The following PGAP1 variants were observed in gnomAD, a reference collection of about 807,000 sequenced individuals.
The protein encoded by PGAP1 is post-GPI attachment to proteins inositol deacylase 1.
In PGAP1, 76 loss-of-function variants were observed where a neutral mutation model predicts 127.0. That is an observed-to-expected ratio of 0.60 (90% CI 0.50 to 0.72). The LOEUF (loss-of-function observed/expected upper bound fraction) is 0.72. Ranked by LOEUF, PGAP1 falls within the 30% of genes least tolerant of loss-of-function variation. The pLI is 0.00. For missense variants in PGAP1, 982 were observed against 1,071.3 expected (o/e 0.92, Z 1.16); for synonymous variants, 362 against 366.5 (o/e 0.99, Z 0.14).
In PGAP1 at chr2:196,899,282, T is replaced by C. The variant is rs572329186; in HGVS notation, c.808-913A>G. Among the ~76,000 whole-genome samples, 6 of 152,286 alleles carry C rather than the reference T, an allele frequency of 3.9e-5. No homozygotes were observed. The South Asian group carries it at 8.3e-4, about 21-fold the overall frequency. On this transcript the variant is annotated intron_variant, in intron 5 of 26. Transcript: ENST00000354764. ...AGGCCTAAAATGTCTCTTTAATAAA[T>C]GAACTGAAAAAATAAATATGTATAA...
chr2:196,889,987 G>A (rs1409185525), intron 10 of PGAP1, among the ~76,000 whole-genome samples: 1 of 151,534 alleles, frequency 6.6e-6, no homozygotes, highest in Non-Finnish European at 1.5e-5. Flanking sequence ...AGGCTGGAGC[G>A]CTAGTGGCGT....
chr2:196,864,390 C>CAAAAAAAA (rs752788293), intron 20 of PGAP1, among the ~76,000 whole-genome samples: 2 of 32,388 alleles, frequency 6.2e-5, no homozygotes, highest in African/African-American at 1.2e-4. Flanking sequence ...AACTACGTCT[C>CAAAAAAAA]AAAAAAAAAA....
chr2:196,916,677 C>T, intron 2 of PGAP1, 84 bp from the exon 3 acceptor site: 2 of 1,303,596 alleles, frequency 1.5e-6, no homozygotes, highest in Non-Finnish European at 1.0e-6. Context: ...TAGTAAATAA[C>T]CTTATCCTGC....
intron 9 of PGAP1, among the ~76,000 whole-genome samples, 200 bp from the exon 10 acceptor site, chr2:196,891,111 TTGTCCTGG>T (rs1702086723): frequency 6.6e-6 from 1 of 152,174 alleles, no homozygotes; most frequent in Non-Finnish European, 1.5e-5. Flanking sequence ...AGTCCCCAGT[TTGTCCTGG>T]AAGTATCAGT....
At chr2:196,925,269 A>C (rs907088120) in intron 1 of PGAP1, among the ~76,000 whole-genome samples, 20 of 152,226 alleles carry the variant, frequency 1.3e-4, no homozygotes, top group Non-Finnish European at 1.0e-4. Flanking sequence ...AAGTAGTCTT[A>C]AGATCAAAAT....
intron 1 of PGAP1, 33 bp from the exon 2 acceptor site, chr2:196,920,183 C>A: frequency 6.3e-7 from 1 of 1,575,686 alleles, no homozygotes; most frequent in South Asian, 1.2e-5. Context: ...TCACTTTAAT[C>A]AGTTTTATTA....
Position 196,873,778 on chromosome 2 carries a change from G to A in PGAP1, c.1427-20C>T. 1 of 1,510,030 alleles carries A rather than the reference G, an allele frequency of 6.6e-7. No homozygotes were observed. The highest frequency in any genetic ancestry group is 9.2e-7 in the Non-Finnish European group (1 of 1,087,000). The allele number at this position is 1,510,030 out of a possible 1,614,324, so 93.5% of individuals were successfully genotyped here. On this transcript the variant is annotated intron_variant, in intron 14 of 26. Transcript: ENST00000354764. ...ACAATCCTGTTGAATTCAAAGTACTGTATTACTTAGAATATCAAGGAAGTT... is the reference window on the plus strand; with the variant it reads ...ACAATCCTGTTGAATTCAAAGTACTATATTACTTAGAATATCAAGGAAGTT...
At chr2:196,889,587 T>G (rs1702029787) in intron 10 of PGAP1, among the ~76,000 whole-genome samples, 1 of 150,458 alleles carries the variant, frequency 6.6e-6, no homozygotes, top group Admixed American at 6.6e-5. Flanking sequence ...CCGGGCGCGG[T>G]GGCTCACGCC....
Position 196,885,815 on chromosome 2 carries a change from A to C in PGAP1, c.1220+19T>G. ...ATTGTTTATGTTGAGATAAATGAACATGCATTCAAAAGACTTACCACATAG... is the reference window on the plus strand; with the variant it reads ...ATTGTTTATGTTGAGATAAATGAACCTGCATTCAAAAGACTTACCACATAG... On this transcript the variant is annotated intron_variant, in intron 11 of 26. Coordinates refer to ENST00000354764, the MANE Select transcript of PGAP1 (RefSeq NM_024989.4). The C allele has an allele frequency of 7.2e-7, 1 of 1,389,710 alleles. No homozygotes were observed. Among genetic ancestry groups the C allele is most frequent in the Non-Finnish European group, 9.4e-7 (1 of 1,062,434 alleles). 86.1% of individuals were successfully genotyped at this position (1,389,710 alleles called of 1,614,324 possible). A position where few individuals can be genotyped will look rare whatever the true frequency, so the allele number is the denominator to read the frequency against.
rs765708395 is a variant in PGAP1, at chr2:196,893,241, G to A, written c.932C>T (p.Thr311Ile). 4 of 1,522,704 alleles carry A rather than the reference G, an allele frequency of 2.6e-6. No individual in the cohort carries two copies. Among genetic ancestry groups the A allele is most frequent in the South Asian group, 1.1e-5 (1 of 87,708 alleles). The allele number at this position is 1,522,704 out of a possible 1,614,324, so 94.3% of individuals were successfully genotyped here. Residue 311 changes from threonine to isoleucine, a missense_variant, in exon 8 of 27, where the codon ACT (threonine) becomes ATT (isoleucine). Transcript: ENST00000354764. ...TGACAGTTTCTTCTTGGAATTTTGA[G>A]TTATCTAGAAAGAACATTGATACAT... ...DLIDADTKQI[T>I]QNSKKKLSVL...
chr2:196,884,849 C>A (rs936637737), intron 12 of PGAP1, among the ~76,000 whole-genome samples: 5 of 152,084 alleles, frequency 3.3e-5, no homozygotes, highest in Admixed American at 2.0e-4. Context: ...TTTGCTTTTT[C>A]AACAATAGAT....
At chr2:196,922,100 T>G in intron 1 of PGAP1, 1 of 1,234,472 alleles carries the variant, frequency 8.1e-7, no homozygotes, top group Non-Finnish European at 1.0e-6. Flanking sequence ...TAAGATCAAT[T>G]ACCTTTGTAT....
chr2:196,889,585 G>A (rs564576831), intron 10 of PGAP1, among the ~76,000 whole-genome samples: 3 of 151,896 alleles, frequency 2.0e-5, no homozygotes, highest in East Asian at 1.9e-4. Flanking sequence ...GGCCGGGCGC[G>A]GTGGCTCACG....
intron 1 of PGAP1, chr2:196,922,248 T>C: frequency 8.1e-7 from 1 of 1,234,322 alleles, no homozygotes; most frequent in Non-Finnish European, 1.1e-6. Context: ...AATGCTGATT[T>C]AAGAAACTAA....
At chr2:196,866,349 C>T (rs779283794) in intron 19 of PGAP1, among the ~76,000 whole-genome samples, 1 of 152,136 alleles carries the variant, frequency 6.6e-6, no homozygotes, top group Admixed American at 6.5e-5. Context: ...TTTGACAAAC[C>T]TGACAAAGAC....
At position 196,837,004 on chromosome 2, in the gene PGAP1, TC is replaced by T. The variant is rs371357833; in HGVS notation, c.*4229del. On this transcript the variant is annotated 3_prime_UTR_variant, in exon 27 of 27. Coordinates refer to ENST00000354764, the MANE Select transcript of PGAP1 (RefSeq NM_024989.4). The stretch of plus-strand genomic sequence containing the variant: ...GAAAGTCCCAACACATTTTCATTTT[TC>T]CCAAATGATTAATAATAACCAGTTA... 29 of 152,328 alleles carry T rather than the reference TC, an allele frequency of 1.9e-4. 1 individual carries two copies. The East Asian group carries it at 5.4e-3, about 28-fold the overall frequency. The allele number at this position is 152,328 out of a possible 1,614,324, so 9.4% of individuals were successfully genotyped here.
At chr2:196,852,437 C>T (rs1435731607) in intron 20 of PGAP1, among the ~76,000 whole-genome samples, 1 of 151,772 alleles carries the variant, frequency 6.6e-6, no homozygotes. Flanking sequence ...GTTCAAATTA[C>T]TTGTTAAATT....
chr2:196,915,993 C>T (rs1186782241), intron 3 of PGAP1, among the ~76,000 whole-genome samples: 1 of 152,166 alleles, frequency 6.6e-6, no homozygotes, highest in East Asian at 1.9e-4. Flanking sequence ...GAGCTTACTT[C>T]TTCCAGGGAT....
chr2:196,881,772 G>A (rs752148463), intron 12 of PGAP1, among the ~76,000 whole-genome samples: 1 of 152,136 alleles, frequency 6.6e-6, no homozygotes, highest in Non-Finnish European at 1.5e-5. Context: ...TTAGACCTTT[G>A]TCGGATGCAG....
Sources: allele counts gnomAD v4.1 joint callset (sites outside exome capture counted in the v4.1 genomes callset), GRCh38; gene constraint gnomAD v4.1.1; transcripts MANE v1.5; gene names NCBI Gene and HGNC (gene_info 2026-07-23, HGNC 2026-07-21).